ZBTB20: variants seen among roughly 807,000 people sequenced by gnomAD.
ZBTB20 encodes zinc finger and BTB domain containing 20.
A neutral mutation model predicts 56.9 loss-of-function variants in ZBTB20; 9 were observed. That is an observed-to-expected ratio of 0.16 (90% CI 0.10 to 0.28). ZBTB20 has a LOEUF of 0.28. Ranked by LOEUF, ZBTB20 falls within the 10% of genes least tolerant of loss-of-function variation. The pLI is 1.00. For synonymous variants in ZBTB20, 417 were observed against 420.7 expected (o/e 0.99, Z 0.11); for missense variants, 655 against 1,003.0 (o/e 0.65, Z 4.69).
chr3:114,425,543 T>C (rs895180287), intron 7 of ZBTB20, among the ~76,000 whole-genome samples: 8 of 152,206 alleles, frequency 5.3e-5, no homozygotes, highest in Non-Finnish European at 7.3e-5. Context: ...TAATTTATAA[T>C]CTTGGCTCAA....
intron 7 of ZBTB20, among the ~76,000 whole-genome samples, chr3:114,490,421 C>T (rs2042610089): frequency 6.6e-6 from 1 of 152,106 alleles, no homozygotes; most frequent in African/African-American, 2.4e-5. Flanking sequence ...TGGAGTTTCA[C>T]TGTGTTGGCC....
intron 6 of ZBTB20, among the ~76,000 whole-genome samples, chr3:114,585,292 G>A (rs2055065523): frequency 6.6e-6 from 1 of 152,174 alleles, no homozygotes. Context: ...GAGGGGACAA[G>A]AGCATGGGTC....
At chr3:114,839,057 C>G (rs954841025) in intron 4 of ZBTB20, among the ~76,000 whole-genome samples, 1 of 152,048 alleles carries the variant, frequency 6.6e-6, no homozygotes, top group Non-Finnish European at 1.5e-5. Flanking sequence ...CAGCATGAAC[C>G]AGCCATTTTC....
At chr3:114,789,343 T>C (rs1409056516) in intron 5 of ZBTB20, among the ~76,000 whole-genome samples, 2 of 152,238 alleles carry the variant, frequency 1.3e-5, no homozygotes, top group African/African-American at 4.8e-5. Context: ...AGAAGCATGT[T>C]AAATTTGACT....
chr3:114,511,461 C>T (rs960325707), intron 6 of ZBTB20, among the ~76,000 whole-genome samples: 5 of 151,736 alleles, frequency 3.3e-5, no homozygotes, highest in South Asian at 2.1e-4. Flanking sequence ...GGCAAACTAT[C>T]GGATTTCTCT....
chr3:114,617,707 A>T (rs2107734683), intron 6 of ZBTB20, among the ~76,000 whole-genome samples: 1 of 152,292 alleles, frequency 6.6e-6, no homozygotes, highest in African/African-American at 2.4e-5. Flanking sequence ...TTACCCACTC[A>T]GATTCTGCCA....
At chr3:114,422,875 A>T (rs2089313019) in intron 7 of ZBTB20, among the ~76,000 whole-genome samples, 1 of 152,068 alleles carries the variant, frequency 6.6e-6, no homozygotes, top group Admixed American at 6.6e-5. Flanking sequence ...TGTTATATAT[A>T]TTTTGGGTCA....
At chr3:114,885,958 G>A (rs2076585586) in intron 4 of ZBTB20, among the ~76,000 whole-genome samples, 1 of 152,218 alleles carries the variant, frequency 6.6e-6, no homozygotes, top group Middle Eastern at 3.4e-3. Flanking sequence ...TTGGCTTATT[G>A]AGCATTCTTA....
At chr3:114,381,168 T>C (rs1392378785) in intron 8 of ZBTB20, among the ~76,000 whole-genome samples, 3 of 152,156 alleles carry the variant, frequency 2.0e-5, no homozygotes, top group Non-Finnish European at 4.4e-5. Context: ...AGAGCTTAGA[T>C]TCTAGTAGCT....
At chr3:114,346,539 A>G (rs890710189) in intron 11 of ZBTB20, among the ~76,000 whole-genome samples, 9 of 152,088 alleles carry the variant, frequency 5.9e-5, no homozygotes, top group African/African-American at 1.7e-4. Flanking sequence ...TTACAGTACA[A>G]TCGTCTTTCA....
intron 3 of ZBTB20, among the ~76,000 whole-genome samples, chr3:114,956,342 C>T (rs910043819): frequency 5.3e-5 from 8 of 152,250 alleles, no homozygotes; most frequent in African/African-American, 1.9e-4. Flanking sequence ...CGGAAAATCC[C>T]CCACATTCAG....
At chr3:115,045,645 T>C (rs1357928239) in intron 2 of ZBTB20, among the ~76,000 whole-genome samples, 1 of 151,584 alleles carries the variant, frequency 6.6e-6, no homozygotes, top group Non-Finnish European at 1.5e-5. Flanking sequence ...AGCACTAACA[T>C]GGAAGACTTT....
rs1299348721 is a variant in ZBTB20, at chr3:114,326,683, A to T, written c.*12322T>A. 1.3e-5 allele frequency: 2 copies of T among 152,190 alleles called. No individual in the cohort carries two copies. 9.4% of individuals were successfully genotyped at this position (152,190 alleles called of 1,614,324 possible). ...AAAATACACATTCCTCCAGTTTCAG[A>T]TTTCTAAAAAGTAATAATTATGCTT... On this transcript the variant is annotated 3_prime_UTR_variant, in exon 12 of 12. Transcript: ENST00000675478.
chr3:115,087,759 A>G (rs573726479), intron 1 of ZBTB20, among the ~76,000 whole-genome samples: 1 of 152,092 alleles, frequency 6.6e-6, no homozygotes, highest in African/African-American at 2.4e-5. Flanking sequence ...TGCTTCCTGC[A>G]TCCCTATACT....
intron 2 of ZBTB20, among the ~76,000 whole-genome samples, chr3:115,062,456 C>T (rs1274246691): frequency 6.6e-6 from 1 of 152,100 alleles, no homozygotes; most frequent in African/African-American, 2.4e-5. Context: ...AATATCCCCC[C>T]TTTCTATCTT....
At chr3:114,867,745 C>G (rs549701058) in intron 4 of ZBTB20, among the ~76,000 whole-genome samples, 3 of 152,252 alleles carry the variant, frequency 2.0e-5, no homozygotes, top group African/African-American at 7.2e-5. Flanking sequence ...CAATCCAACT[C>G]TTACATACAT....
chr3:114,658,069 A>T (rs2060510930), intron 6 of ZBTB20, among the ~76,000 whole-genome samples: 1 of 152,208 alleles, frequency 6.6e-6, no homozygotes, highest in Non-Finnish European at 1.5e-5. Context: ...CCTTAAAAAA[A>T]TCACTCATAG....
In ZBTB20 at chr3:114,660,920, G is replaced by A. The variant is rs1035404538; in HGVS notation, c.-295+32608C>T. ...AGAGAGAGACAGCAAGTGAGAGAGA[G>A]AAGCTTTTGGACCTCTCTCTCCAAA... On this transcript the variant is annotated intron_variant, in intron 6 of 11. Transcript: ENST00000675478. 2.6e-5 allele frequency among the ~76,000 whole-genome samples: 4 copies of A among 152,156 alleles called. No homozygotes were observed. The East Asian group carries it at 7.7e-4, about 29-fold the overall frequency.
chr3:114,352,467 T>C (rs963077903), intron 10 of ZBTB20, among the ~76,000 whole-genome samples: 1 of 152,202 alleles, frequency 6.6e-6, no homozygotes, highest in Non-Finnish European at 1.5e-5. Context: ...GCAAAAATTA[T>C]TGGAAAATTC....
Sources: gnomAD v4.1 joint callset for allele counts (sites outside exome capture counted in the v4.1 genomes callset) on GRCh38, gnomAD v4.1.1 for gene constraint, MANE v1.5 for transcripts, NCBI Gene and HGNC (gene_info 2026-07-23, HGNC 2026-07-21) for gene names.